Variants in MYO6 observed in about 807,000 individuals in gnomAD.
MYO6 encodes the protein unconventional myosin-VI.
A neutral mutation model predicts 178.7 loss-of-function variants in MYO6; 74 were observed. The ratio of observed to expected loss-of-function variants is 0.41; its 90% CI spans 0.34 to 0.50. MYO6 has a LOEUF of 0.50. MYO6 is among the 20% of genes least tolerant of loss of function. The pLI is 0.09. For missense variants in MYO6, 1,330 were observed against 1,547.4 expected (o/e 0.86, Z 2.36); for synonymous variants, 477 against 504.6 (o/e 0.95, Z 0.73).
intron 9 of MYO6, among the ~76,000 whole-genome samples, chr6:75,844,643 TTA>T (rs1774554728): frequency 6.6e-6 from 1 of 152,124 alleles, no homozygotes; most frequent in African/African-American, 2.4e-5. Flanking sequence ...TAGAAAACTT[TTA>T]TGTCATTGAT....
chr6:75,878,927 C>T (rs561757605), intron 20 of MYO6, among the ~76,000 whole-genome samples: 1 of 152,312 alleles, frequency 6.6e-6, no homozygotes, highest in South Asian at 2.1e-4. Flanking sequence ...AGATTAACCA[C>T]TTACTAGAGT....
chr6:75,879,895 A>G lies in MYO6; in HGVS notation c.2153A>G (p.Tyr718Cys). ...RASFHELYNM[Y>C]KKYMPDKLAR... ...TCATTTCATGAACTCTACAACATGT[A>G]CAAAAAGTATATGCCAGATAAACTT... Residue 718 changes from tyrosine to cysteine, a missense_variant, in exon 21 of 35, where the codon TAC becomes TGC. Physicochemically the swap from Tyr to Cys is radical, Grantham distance 194 (BLOSUM62 -2). Coordinates refer to ENST00000369977, the MANE Select transcript of MYO6 (RefSeq NM_004999.4). The G allele has an allele frequency of 6.2e-7, 1 of 1,614,170 alleles. No homozygotes were observed. Among genetic ancestry groups the G allele is most frequent in the Non-Finnish European group, 8.5e-7 (1 of 1,180,004 alleles).
chr6:75,857,156 A>G lies in MYO6; in HGVS notation c.1283A>G (p.Tyr428Cys), dbSNP rs1225252379. 3.1e-6 allele frequency: 5 copies of G among 1,614,084 alleles called. No individual in the cohort carries two copies. Among genetic ancestry groups the G allele is most frequent in the Admixed American group, 3.3e-5 (2 of 60,016 alleles). ...CGTGATGCCCTGGCAAAGACAGTGT[A>G]TAGCCATCTTTTTGATCATGTGGTA... Reference protein sequence around the residue: ...NARDALAKTVYSHLFDHVVNR... With the variant: ...NARDALAKTVCSHLFDHVVNR... The change falls in exon 13 of 35, where the codon TAT (tyrosine) becomes TGT (cysteine). Residue 428 changes from tyrosine (Y) to cysteine (C), a missense_variant. Physicochemically the swap from Tyr to Cys is radical, Grantham distance 194 (BLOSUM62 -2). Around this residue, in one of 3 missense-constraint regions of MYO6, gnomAD observed 613 missense variants for 816.8 expected, o/e 0.75. Transcript: ENST00000369977.
chr6:75,895,734 T>G (rs931009026), intron 29 of MYO6, among the ~76,000 whole-genome samples: 1 of 152,074 alleles, frequency 6.6e-6, no homozygotes, highest in Non-Finnish European at 1.5e-5. Context: ...GCCAGGATGG[T>G]CTCAATCTCT....
intron 30 of MYO6, among the ~76,000 whole-genome samples, chr6:75,899,360 A>C (rs1779554125): frequency 8.7e-6 from 1 of 115,274 alleles, no homozygotes; most frequent in Non-Finnish European, 2.0e-5. Flanking sequence ...AAAAGAAAAG[A>C]TAACAACAAA....
intron 1 of MYO6, among the ~76,000 whole-genome samples, chr6:75,802,239 T>C (rs576797658): frequency 3.3e-5 from 5 of 151,748 alleles, no homozygotes; most frequent in African/African-American, 1.2e-4. Context: ...GAGGCCGAGG[T>C]AGGCGGATCA....
intron 9 of MYO6, 57 bp downstream of exon 9, chr6:75,841,435 T>G: frequency 7.2e-6 from 11 of 1,537,662 alleles, no homozygotes; most frequent in Non-Finnish European, 9.8e-6. Flanking sequence ...ATGCCTGTAA[T>G]CCCAACACTT....
At chr6:75,901,260 A>G (rs902973883) in intron 30 of MYO6, among the ~76,000 whole-genome samples, 7 of 151,976 alleles carry the variant, frequency 4.6e-5, no homozygotes, top group African/African-American at 9.7e-5. Context: ...GTTTTTTCCA[A>G]TTCTGTGAAG....
At chr6:75,782,410 CT>C (rs34274077) in intron 1 of MYO6, among the ~76,000 whole-genome samples, 4 of 150,474 alleles carry the variant, frequency 2.7e-5, no homozygotes, top group South Asian at 2.1e-4. Flanking sequence ...TTTTTTAATT[CT>C]TTTTTTTTGG....
chr6:75,848,580 T>C (rs1248254154), intron 11 of MYO6, 49 bp downstream of exon 11: 2 of 1,570,664 alleles, frequency 1.3e-6, no homozygotes, highest in African/African-American at 2.8e-5. Context: ...AGAATTTCTG[T>C]TATTTATTTG....
At chr6:75,830,368 A>G (rs1772955519) in intron 4 of MYO6, 48 bp from the exon 5 acceptor site, 4 of 1,549,766 alleles carry the variant, frequency 2.6e-6, no homozygotes, top group Non-Finnish European at 2.7e-6. Flanking sequence ...TTATCTTTAA[A>G]TGAAAATAGT....
At chr6:75,857,310 G>A in intron 13 of MYO6, 56 bp downstream of exon 13, 2 of 1,538,492 alleles carry the variant, frequency 1.3e-6, no homozygotes, top group Non-Finnish European at 1.8e-6. Context: ...TCACACATTA[G>A]AATTTGTTCT....
At chr6:75,828,698 C>T in intron 4 of MYO6, 85 bp downstream of exon 4, 3 of 891,930 alleles carry the variant, frequency 3.4e-6, no homozygotes, top group Non-Finnish European at 5.7e-6. Flanking sequence ...TTGAAATTGT[C>T]TAACAGAAAA....
intron 1 of MYO6, among the ~76,000 whole-genome samples, chr6:75,791,521 G>A (rs987689251): frequency 6.6e-6 from 1 of 151,978 alleles, no homozygotes; most frequent in Admixed American, 6.6e-5. Flanking sequence ...ATTCCAAGTG[G>A]TTAAAAAAAT....
In MYO6 at chr6:75,892,616, G is replaced by A. The variant is rs754296330; in HGVS notation, c.3033G>A (p.Glu1011=). The change falls in exon 28 of 35, where the codon GAG becomes GAA. Residue 1011 remains glutamate, a synonymous_variant. Coordinates refer to ENST00000369977, the MANE Select transcript of MYO6 (RefSeq NM_004999.4). ...TGGAGCAGGAGCGCAGGGACCGGGA[G>A]CTGGCCCTGAGGATTGCCCAGAGTG... ...AVLEQERRDR[E]LALRIAQSEA... is the part of the protein sequence containing the mutation. 6.2e-7 allele frequency: 1 copy of A among 1,613,408 alleles called. No individual in the cohort carries two copies. Among genetic ancestry groups the A allele is most frequent in the South Asian group, 1.1e-5 (1 of 91,046 alleles).
At chr6:75,753,224 T>A (rs191440188) in intron 1 of MYO6, among the ~76,000 whole-genome samples, 1 of 152,122 alleles carries the variant, frequency 6.6e-6, no homozygotes, top group African/African-American at 2.4e-5. Flanking sequence ...CATTACGGAT[T>A]TTTTTCATTA....
intron 20 of MYO6, among the ~76,000 whole-genome samples, chr6:75,874,095 A>C (rs776174491): frequency 6.6e-6 from 1 of 152,128 alleles, no homozygotes; most frequent in Non-Finnish European, 1.5e-5. Flanking sequence ...TAGATTTACT[A>C]TGAAGCTAAG....
intron 1 of MYO6, among the ~76,000 whole-genome samples, chr6:75,784,994 T>C (rs2150064683): frequency 6.6e-6 from 1 of 152,300 alleles, no homozygotes; most frequent in South Asian, 2.1e-4. Flanking sequence ...AGTGCACACT[T>C]TCATTTGTTC....
chr6:75,772,695 T>C (rs1002772954), intron 1 of MYO6, among the ~76,000 whole-genome samples: 1 of 152,152 alleles, frequency 6.6e-6, no homozygotes, highest in Admixed American at 6.6e-5. Flanking sequence ...GTGTTTTCAG[T>C]TGGAGAGGCA....
Sources: allele counts gnomAD v4.1 joint callset (sites outside exome capture counted in the v4.1 genomes callset), GRCh38; gene constraint gnomAD v4.1.1; regional missense constraint gnomAD v4.1.1; transcripts MANE v1.5; gene names NCBI Gene and HGNC (gene_info 2026-07-23, HGNC 2026-07-21).